HDHD2: variants seen among roughly 807,000 people sequenced by gnomAD.
HDHD2 encodes the protein haloacid dehalogenase-like hydrolase domain-containing protein 2.
In HDHD2, 26 loss-of-function variants were observed where a neutral mutation model predicts 24.8. The ratio of observed to expected loss-of-function variants is 1.05; its 90% confidence interval spans 0.77 to 1.45. The LOEUF (loss-of-function observed/expected upper bound fraction) is 1.45, where lower values mean the gene tolerates loss of function less well. Among genes scored for constraint, HDHD2 ranks in the 40% most tolerant of loss-of-function variants. The probability of loss-of-function intolerance (pLI) is 0.00; values close to 1 mark genes in which losing one functional copy is unlikely to be tolerated. For synonymous variants in HDHD2, 128 were observed against 114.9 expected (o/e 1.11, Z -0.73); for missense variants, 299 against 313.4 (o/e 0.95, Z 0.35).
chr18:47,136,288 A>C, intron 2 of HDHD2, 51 bp downstream of exon 2: 1 of 1,607,420 alleles, frequency 6.2e-7, no homozygotes, highest in African/African-American at 1.3e-5. Context: ...CTGCCGTGGT[A>C]AAATGGCACT....
rs768057278 is a variant in HDHD2, at chr18:47,134,591, A to G, written c.215T>C (p.Ile72Thr). Residue 72 changes from isoleucine (I) to threonine (T), a missense_variant, in exon 3 of 7, where the codon ATA becomes ACA. Coordinates refer to ENST00000300605, the MANE Select transcript of HDHD2 (RefSeq NM_032124.5). Reference protein sequence around the residue: ...KLEFDISEDEIFTSLTAARSL... With the variant: ...KLEFDISEDETFTSLTAARSL... ...TCTGGCTGCAGTCAGAGATGTGAAT[A>G]TTTCATCTTCAGAGATATCAAATTC... The G allele has an allele frequency of 1.2e-6, 2 of 1,613,998 alleles. No individual in the cohort carries two copies. The highest frequency in any genetic ancestry group is 1.7e-6 in the Non-Finnish European group (2 of 1,179,906).
intron 3 of HDHD2, 185 bp downstream of exon 3, chr18:47,134,311 C>T: frequency 3.3e-6 from 2 of 603,888 alleles, no homozygotes; most frequent in Middle Eastern, 4.4e-4. Flanking sequence ...ATGTGTTTCA[C>T]TTACTGTGGA....
intron 6 of HDHD2, chr18:47,110,775 T>C: frequency 2.0e-6 from 2 of 985,006 alleles, no homozygotes; most frequent in Non-Finnish European, 2.4e-6. Flanking sequence ...GGATGCTATG[T>C]TGATGATATA....
chr18:47,141,904 A>G (rs1050478059), intron 1 of HDHD2, among the ~76,000 whole-genome samples: 2 of 152,192 alleles, frequency 1.3e-5, no homozygotes, highest in African/African-American at 4.8e-5. Context: ...ATGGGAGGTA[A>G]TTGAATCATG....
chr18:47,145,487 T>A (rs1356653049), intron 1 of HDHD2, among the ~76,000 whole-genome samples: 1 of 152,180 alleles, frequency 6.6e-6, no homozygotes, highest in African/African-American at 2.4e-5. Flanking sequence ...AGAAAATTCA[T>A]ATATGATAGA....
At position 47,108,682 on chromosome 18, in the gene HDHD2, T is replaced by G. The variant is rs1222413569; in HGVS notation, c.780A>C (p.Ter260CysextTer6). The G allele has an allele frequency of 1.3e-6, 2 of 1,540,990 alleles. No homozygotes were observed. The highest frequency in any genetic ancestry group is 1.8e-6 in the Non-Finnish European group (2 of 1,119,506). ...AVDHILQHLL[*>C] ...AGTTGCTTCAGATGCACACACTGCT[T>G]CACAATAGGTGCTGCAGAATGTGGT... is the stretch of plus-strand genomic sequence containing the variant. The change falls in exon 7 of 7, where the codon TGA (stop) becomes TGC (cysteine). Residue 260 changes from the stop codon to cysteine (C), a stop_lost. Transcript: ENST00000300605.
chr18:47,148,578 C>A (rs1311841299), intron 1 of HDHD2, among the ~76,000 whole-genome samples: 1 of 152,170 alleles, frequency 6.6e-6, no homozygotes, highest in African/African-American at 2.4e-5. Flanking sequence ...GACATCTGGG[C>A]TTGAATATCA....
At chr18:47,123,726 CA>C (rs1003804545) in intron 4 of HDHD2, among the ~76,000 whole-genome samples, 7 of 150,558 alleles carry the variant, frequency 4.6e-5, no homozygotes, top group East Asian at 3.9e-4. Context: ...AAAAACGAAA[CA>C]AAAAAAAACT....
At chr18:47,118,878 A>T (rs1210771964) in intron 4 of HDHD2, among the ~76,000 whole-genome samples, 2 of 151,330 alleles carry the variant, frequency 1.3e-5, no homozygotes, top group Non-Finnish European at 3.0e-5. Context: ...GGAACCTGAA[A>T]ACCAATCTGG....
chr18:47,134,508 G>T lies in HDHD2; in HGVS notation c.298C>A (p.Pro100Thr). ...AAATTTCCCCTACCTTTGAAATCAG[G>T]TAGTGCCCGATCATCAACTAGCAGC... Reference protein sequence around the residue: ...PMLLVDDRALPDFKGIQTSDP... With the variant: ...PMLLVDDRALTDFKGIQTSDP... The change falls in exon 3 of 7, where the codon CCT becomes ACT. Residue 100 changes from proline to threonine, a missense_variant. By Grantham distance (38) the Pro-to-Thr change is conservative. Transcript: ENST00000300605. 6.2e-7 allele frequency: 1 copy of T among 1,613,460 alleles called. No homozygotes were observed. Among genetic ancestry groups the T allele is most frequent in the Non-Finnish European group, 8.5e-7 (1 of 1,179,498 alleles).
At chr18:47,109,426 AG>A (rs1213092074) in intron 6 of HDHD2, 1 of 152,506 alleles carries the variant, frequency 6.6e-6, no homozygotes, top group African/African-American at 2.4e-5. Context: ...AACACAGCAG[AG>A]GAACCATTCC....
At chr18:47,123,716 A>C (rs541207580) in intron 4 of HDHD2, among the ~76,000 whole-genome samples, 1 of 152,244 alleles carries the variant, frequency 6.6e-6, no homozygotes, top group African/African-American at 2.4e-5. Flanking sequence ...GTAAAAAAAC[A>C]AAAACGAAAC....
At chr18:47,142,081 T>C (rs1284182656) in intron 1 of HDHD2, among the ~76,000 whole-genome samples, 1 of 152,174 alleles carries the variant, frequency 6.6e-6, no homozygotes, top group African/African-American at 2.4e-5. Flanking sequence ...TCCCCAGCAA[T>C]GTGGAATTGT....
intron 4 of HDHD2, among the ~76,000 whole-genome samples, chr18:47,121,800 T>C (rs2063609680): frequency 6.6e-6 from 1 of 152,202 alleles, no homozygotes; most frequent in Admixed American, 6.5e-5. Flanking sequence ...CCTCAAAAAA[T>C]GTCAAGCTCT....
At chr18:47,148,211 G>A (rs1474394414) in intron 1 of HDHD2, among the ~76,000 whole-genome samples, 2 of 152,082 alleles carry the variant, frequency 1.3e-5, no homozygotes, top group African/African-American at 4.8e-5. Context: ...GGATGGTCTC[G>A]AACTGGTGAG....
chr18:47,138,869 C>G (rs1340215814), intron 1 of HDHD2, among the ~76,000 whole-genome samples: 2 of 152,198 alleles, frequency 1.3e-5, no homozygotes, highest in Non-Finnish European at 2.9e-5. Context: ...GGGTCAAGAA[C>G]AATCTAAACA....
chr18:47,134,325 C>A (rs1307578543), intron 3 of HDHD2, 171 bp downstream of exon 3: 1 of 610,268 alleles, frequency 1.6e-6, no homozygotes, highest in Non-Finnish European at 2.9e-6. Flanking sequence ...CTGTGGATTA[C>A]AGTCAAAAAA....
intron 6 of HDHD2, chr18:47,111,144 A>G: frequency 1.0e-6 from 1 of 985,246 alleles, no homozygotes; most frequent in Non-Finnish European, 1.2e-6. Flanking sequence ...TGCTTCCAAG[A>G]GCTGTACTTA....
intron 1 of HDHD2, among the ~76,000 whole-genome samples, chr18:47,139,378 T>C (rs1276226667): frequency 2.2e-5 from 3 of 137,988 alleles, no homozygotes; most frequent in Non-Finnish European, 4.5e-5. Context: ...GGCAGGAGAA[T>C]GGTGTGAACC....
Sources: allele counts gnomAD v4.1 joint callset (sites outside exome capture counted in the v4.1 genomes callset), GRCh38; gene constraint gnomAD v4.1.1; transcripts MANE v1.5; gene names NCBI Gene and HGNC (gene_info 2026-07-23, HGNC 2026-07-21).